The following MOCOS variants were observed in gnomAD, a reference collection of about 807,000 sequenced individuals.
MOCOS encodes molybdenum cofactor sulfurase, also known as human molybdenum cofactor sulfurase.
MOCOS carries 86 observed loss-of-function variants against 83.6 expected under a neutral mutation model. That is an observed-to-expected ratio of 1.03 (90% CI 0.86 to 1.23). MOCOS has a LOEUF of 1.23. Ranked by LOEUF, MOCOS falls within the 50% of genes most tolerant of loss-of-function variation. MOCOS has a pLI of 0.00. For missense variants in MOCOS, 1,120 were observed against 1,126.9 expected (o/e 0.99, Z 0.09); for synonymous variants, 445 against 434.7 (o/e 1.02, Z -0.29).
intron 11 of MOCOS, among the ~76,000 whole-genome samples, chr18:36,255,399 G>A (rs929571690): frequency 6.6e-6 from 1 of 152,154 alleles, no homozygotes; most frequent in Admixed American, 6.5e-5. Context: ...GCAAATAATT[G>A]GAATCCATCT....
Position 36,189,124 on chromosome 18 carries a change from A to T in MOCOS, c.142+1443A>T, listed in dbSNP as rs192156668. Among the ~76,000 whole-genome samples, 11 of 152,032 alleles carry T rather than the reference A, an allele frequency of 7.2e-5. No homozygotes were observed. The East Asian group carries it at 2.1e-3, about 30-fold the overall frequency. ...CCAGCTGTGATCTCTCACGCCCACT[A>T]TTGGCCAACCTCTCCCCTCAATGCT... On this transcript the variant is annotated intron_variant, in intron 1 of 14. Coordinates refer to ENST00000261326, the MANE Select transcript of MOCOS (RefSeq NM_017947.4).
At chr18:36,262,138 CAAT>C (rs1568070342) in intron 13 of MOCOS, among the ~76,000 whole-genome samples, 1 of 152,100 alleles carries the variant, frequency 6.6e-6, no homozygotes, top group African/African-American at 2.4e-5. Flanking sequence ...CCCTTTGACT[CAAT>C]AATTTCACTT....
intron 13 of MOCOS, among the ~76,000 whole-genome samples, chr18:36,260,974 C>T (rs896362513): frequency 3.0e-4 from 46 of 151,854 alleles, no homozygotes; most frequent in African/African-American, 8.5e-4. Context: ...CCTGACCTGC[C>T]GCAGGGTCAC....
At position 36,215,343 on chromosome 18, in the gene MOCOS, T is replaced by G. The variant is rs28730329; in HGVS notation, c.1336-173T>G. Among the ~76,000 whole-genome samples the G allele has an allele frequency of 9.6e-4, 146 of 152,294 alleles. 1 individual carries two copies. The highest frequency in any genetic ancestry group is 3.3e-3 in the African/African-American group (138 of 41,566). ...GAGCAAAATGAGATCCAGAAAGTGG[T>G]CCCCTGCAGGTAGAGAGCTGAACTA... is the stretch of plus-strand genomic sequence containing the variant. On this transcript the variant is annotated intron_variant, in intron 7 of 14. Coordinates refer to ENST00000261326, the MANE Select transcript of MOCOS (RefSeq NM_017947.4).
At chr18:36,202,189 C>A (rs1468997093) in intron 4 of MOCOS, among the ~76,000 whole-genome samples, 1 of 152,274 alleles carries the variant, frequency 6.6e-6, no homozygotes, top group South Asian at 2.1e-4. Flanking sequence ...TGAATAAATA[C>A]CTTGACTATG....
At chr18:36,226,465 T>A (rs2091515835) in intron 9 of MOCOS, among the ~76,000 whole-genome samples, 1 of 150,856 alleles carries the variant, frequency 6.6e-6, no homozygotes. Flanking sequence ...TTTTTTTATG[T>A]CTTTTTATGC....
At chr18:36,240,875 G>T (rs769581492) in intron 9 of MOCOS, among the ~76,000 whole-genome samples, 1 of 152,138 alleles carries the variant, frequency 6.6e-6, no homozygotes, top group Non-Finnish European at 1.5e-5. Flanking sequence ...CGCAGTATTC[G>T]GGTGGGAATG....
intron 9 of MOCOS, among the ~76,000 whole-genome samples, chr18:36,228,394 GA>G (rs1435144608): frequency 1.3e-5 from 2 of 152,044 alleles, no homozygotes; most frequent in Non-Finnish European, 2.9e-5. Flanking sequence ...GTACATTTGT[GA>G]CACAATTCAC....
chr18:36,202,041 G>A (rs1487862479), intron 4 of MOCOS, among the ~76,000 whole-genome samples: 1 of 152,138 alleles, frequency 6.6e-6, no homozygotes, highest in Non-Finnish European at 1.5e-5. Context: ...CTTTGATTCA[G>A]GTAGATGACT....
At position 36,266,867 on chromosome 18, in the gene MOCOS, C is replaced by T. The variant is rs2091683795; in HGVS notation, c.2514+14C>T. ...CGTGAAACAAAGGTAAGCGTGATTG[C>T]AAAATATGACACCTGGTTTCCAATC... On this transcript the variant is annotated intron_variant, in intron 14 of 14. Transcript: ENST00000261326. 2 of 1,586,358 alleles carry T rather than the reference C, an allele frequency of 1.3e-6. No homozygotes were observed. The highest frequency in any genetic ancestry group is 1.3e-5 in the African/African-American group (1 of 74,276).
At chr18:36,199,528 C>T (rs539206846) in intron 3 of MOCOS, among the ~76,000 whole-genome samples, 155 bp from the exon 4 acceptor site, 46 of 152,364 alleles carry the variant, frequency 3.0e-4, no homozygotes, top group African/African-American at 9.4e-4. Context: ...CTCGTTCCCA[C>T]GGCTTCCATT....
In MOCOS at chr18:36,220,072, A is replaced by G. The variant is rs754325115; in HGVS notation, c.1815A>G (p.Val605=). The G allele has an allele frequency of 1.2e-6, 2 of 1,613,266 alleles. No homozygotes were observed. Among genetic ancestry groups the G allele is most frequent in the South Asian group, 1.1e-5 (1 of 91,040 alleles). ...CAAFEVTRWP[V]GNQGLLYDRS... ...TTGTTTAGGTGACCAGGTGGCCTGT[A>G]GGAAACCAAGGGCTGCTATATGACC... The change falls in exon 9 of 15, where the codon GTA becomes GTG. Residue 605 remains valine (V), a synonymous_variant. Transcript: ENST00000261326.
chr18:36,251,361 G>A, intron 11 of MOCOS, 78 bp downstream of exon 11: 1 of 1,549,512 alleles, frequency 6.5e-7, no homozygotes, highest in East Asian at 2.3e-5. Flanking sequence ...CCCATGAACT[G>A]CACTTACGGG....
chr18:36,211,116 G>C (rs928661566), intron 6 of MOCOS, among the ~76,000 whole-genome samples: 3 of 152,098 alleles, frequency 2.0e-5, no homozygotes, highest in Admixed American at 6.5e-5. Context: ...TGCAGTTACG[G>C]TTTTTTCAGG....
At chr18:36,213,231 T>A (rs956315889) in intron 6 of MOCOS, 135 bp from the exon 7 acceptor site, 2 of 753,506 alleles carry the variant, frequency 2.7e-6, no homozygotes, top group African/African-American at 3.4e-5. Flanking sequence ...CTGTGATAAA[T>A]CATTTTAGAG....
intron 13 of MOCOS, among the ~76,000 whole-genome samples, chr18:36,265,291 TA>T (rs1417645031): frequency 1.3e-5 from 2 of 152,228 alleles, no homozygotes; most frequent in African/African-American, 4.8e-5. Context: ...CTTGTGGGAT[TA>T]TTTTAGAAAG....
At chr18:36,193,317 CAAAAAAAAAAAAAAAAAAAAAA>C (rs555145311) in intron 1 of MOCOS, among the ~76,000 whole-genome samples, 10 of 38,310 alleles carry the variant, frequency 2.6e-4, no homozygotes, top group South Asian at 1.3e-3. Flanking sequence ...GACTCCGTCT[CAAAAAAAAAAAAAAAAAAAAAA>C]AAAAAAAAAA....
In MOCOS at chr18:36,202,973, G is replaced by A. The variant is rs906175975; in HGVS notation, c.942-140G>A. On this transcript the variant is annotated intron_variant, in intron 4 of 14. Transcript: ENST00000261326. The stretch of plus-strand genomic sequence containing the variant: ...CCTCAACACCTGGGGATTACAATTA[G>A]AGATGAGATTTAGGTGGAGACATAA... The A allele has an allele frequency of 4.2e-5, 34 of 801,696 alleles. No homozygotes were observed. The African/African-American group carries it at 4.7e-4, about 11-fold the overall frequency. The allele number at this position is 801,696 out of a possible 1,614,324, so 49.7% of individuals were successfully genotyped here. A position where few individuals can be genotyped will look rare whatever the true frequency, so the allele number is the denominator to read the frequency against.
At chr18:36,203,266 G>A (rs2091421570) in intron 5 of MOCOS, 77 bp downstream of exon 5, 3 of 1,363,494 alleles carry the variant, frequency 2.2e-6, no homozygotes, top group South Asian at 2.3e-5. Flanking sequence ...GTGTGATTCA[G>A]GTAAAGGAGA....
Sources: allele counts gnomAD v4.1 joint callset (sites outside exome capture counted in the v4.1 genomes callset), GRCh38; gene constraint gnomAD v4.1.1; transcripts MANE v1.5; gene names NCBI Gene and HGNC (gene_info 2026-07-23, HGNC 2026-07-21).